The following TBC1D16 variants were observed in gnomAD, a reference collection of about 807,000 sequenced individuals.
The protein encoded by TBC1D16 is TBC1 domain family member 16.
A neutral mutation model predicts 74.7 loss-of-function variants in TBC1D16; 58 were observed. The observed-to-expected ratio is 0.78, with a 90% confidence interval of 0.63 to 0.97. The LOEUF is 0.97. Among genes scored for constraint, TBC1D16 ranks in the 50% least tolerant of loss-of-function variants. The pLI is 0.00. For missense variants in TBC1D16, 1,014 were observed against 1,079.5 expected, an observed-to-expected ratio of 0.94 and a Z score of 0.85; for synonymous variants, 493 against 474.7, an observed-to-expected ratio of 1.04 and a Z score of -0.50.
chr17:80,013,441 T>C lies in TBC1D16; in HGVS notation c.107A>G (p.Glu36Gly). Residue 36 changes from glutamate to glycine, a missense_variant, in exon 2 of 12, where the codon GAG becomes GGG. Transcript: ENST00000310924. ...GSGSPSVLDG[E>G]IIYSKNNVCV... Reference sequence around the variant, plus strand: ...GACATTGTTCTTGGAGTAGATGATCTCTCCATCCAGGACAGAGGGGGACCC... The same window carrying C: ...GACATTGTTCTTGGAGTAGATGATCCCTCCATCCAGGACAGAGGGGGACCC... The C allele has an allele frequency of 6.2e-7, 1 of 1,605,572 alleles. No homozygotes were observed.
chr17:80,026,531 G>A lies in TBC1D16; in HGVS notation c.-63+9264C>T, dbSNP rs1026774979. On this transcript the variant is annotated intron_variant, in intron 1 of 11. Coordinates refer to ENST00000310924, the MANE Select transcript of TBC1D16 (RefSeq NM_019020.4). Reference sequence around the variant, plus strand: ...GCATCCAAAGAGGTGTGGAGGAGGCGTGGACGAGGGTGGAGTTGTGTGGAC... The same window carrying A: ...GCATCCAAAGAGGTGTGGAGGAGGCATGGACGAGGGTGGAGTTGTGTGGAC... Among the ~76,000 whole-genome samples the A allele has an allele frequency of 1.3e-4, 19 of 149,856 alleles. 1 individual carries two copies. Among genetic ancestry groups the A allele is most frequent in the African/African-American group, 3.6e-4 (14 of 39,240 alleles).
Position 79,960,779 on chromosome 17 carries a change from C to CAAAAAAAAAA in TBC1D16, c.780-7971_780-7962dup, listed in dbSNP as rs746450905. 5.7e-3 allele frequency among the ~76,000 whole-genome samples: 192 copies of CAAAAAAAAAA among 33,938 alleles called. 58 individuals carry two copies. The highest frequency in any genetic ancestry group is 6.4e-3 in the Non-Finnish European group (117 of 18,146). 22.3% of individuals were successfully genotyped at this position (33,938 alleles called of 152,430 possible). Reference sequence around the variant, plus strand: ...CAAAAAAACCCAAAAAACAAAAACCCAAAAAAAAAAAAAAAAAAAAAAAAA... The same window carrying CAAAAAAAAAA: ...CAAAAAAACCCAAAAAACAAAAACCCAAAAAAAAAAAAAAAAAAAAAAAAAAAAAAAAAAA... On this transcript the variant is annotated intron_variant, in intron 3 of 11. Transcript: ENST00000310924.
chr17:79,947,629 T>TC lies in TBC1D16; in HGVS notation c.1728+15dup. The TC allele has an allele frequency of 6.2e-7, 1 of 1,612,832 alleles. No individual in the cohort carries two copies. Among genetic ancestry groups the TC allele is most frequent in the Non-Finnish European group, 8.5e-7 (1 of 1,179,214 alleles). Reference sequence around the variant, plus strand: ...CCTCACATGCCCTTGGACGCACCCATCCCCCTGAGCCTCACCAGTTGTTTC... The same window carrying TC: ...CCTCACATGCCCTTGGACGCACCCATCCCCCCTGAGCCTCACCAGTTGTTTC... On this transcript the variant is annotated intron_variant, in intron 9 of 11. Coordinates refer to ENST00000310924, the MANE Select transcript of TBC1D16 (RefSeq NM_019020.4).
chr17:80,021,881 GACAC>G (rs1320805176), intron 1 of TBC1D16, among the ~76,000 whole-genome samples: 2 of 150,660 alleles, frequency 1.3e-5, no homozygotes, highest in Non-Finnish European at 2.9e-5. Flanking sequence ...CACACACCAT[GACAC>G]ACAAACACAC....
rs1159789414 is a variant in TBC1D16 at position 79,935,793 on chromosome 17, T to C, written c.*5066A>G. 4 of 152,222 alleles carry C rather than the reference T, an allele frequency of 2.6e-5. No homozygotes were observed. The highest frequency in any genetic ancestry group is 5.9e-5 in the Non-Finnish European group (4 of 68,056). The allele number at this position is 152,222 out of a possible 1,614,324, so 9.4% of individuals were successfully genotyped here. A position where few individuals can be genotyped will look rare whatever the true frequency, so the allele number is the denominator to read the frequency against. On this transcript the variant is annotated 3_prime_UTR_variant, in exon 12 of 12. Transcript: ENST00000310924. Reference sequence around the variant, plus strand: ...AACAAAATACCAAGAACAGATCACTTGCCATGGACATCAGTAATCTATTGG... The same window carrying C: ...AACAAAATACCAAGAACAGATCACTCGCCATGGACATCAGTAATCTATTGG...
intron 8 of TBC1D16, among the ~76,000 whole-genome samples, chr17:79,948,515 A>T (rs1382442483): frequency 7.2e-5 from 11 of 152,142 alleles, no homozygotes; most frequent in Non-Finnish European, 2.9e-5. Context: ...CACAGATGCC[A>T]GCCTCTGGCT....
At chr17:79,948,397 C>T (rs967020595) in intron 8 of TBC1D16, among the ~76,000 whole-genome samples, 3 of 151,594 alleles carry the variant, frequency 2.0e-5, no homozygotes, top group Non-Finnish European at 4.4e-5. Flanking sequence ...GGGAACATGG[C>T]TCTGATTTTC....
Position 79,961,501 on chromosome 17 carries a change from A to G in TBC1D16, c.780-8683T>C, listed in dbSNP as rs1043392480. Among the ~76,000 whole-genome samples the G allele has an allele frequency of 6.6e-6, 1 of 152,252 alleles. No homozygotes were observed. The highest frequency in any genetic ancestry group is 1.5e-5 in the Non-Finnish European group (1 of 68,044). On this transcript the variant is annotated intron_variant, in intron 3 of 11. Coordinates refer to ENST00000310924, the MANE Select transcript of TBC1D16 (RefSeq NM_019020.4). This position sits in a 1 kb window ranked among gnomAD's most constrained non-coding sequence, Gnocchi z 4.8. ...ATTCCATTCCCAAGTATTTACCAAG[A>G]GAAATAAAAACATATGTCCACGTGC...
At chr17:80,033,854 G>A (rs1450403586) in intron 1 of TBC1D16, among the ~76,000 whole-genome samples, 2 of 152,218 alleles carry the variant, frequency 1.3e-5, no homozygotes, top group African/African-American at 4.8e-5. Flanking sequence ...GGTGACATGG[G>A]ATTAGTCCCA....
chr17:80,020,516 T>A (rs1479590908), intron 1 of TBC1D16, among the ~76,000 whole-genome samples: 1 of 149,164 alleles, frequency 6.7e-6, no homozygotes, highest in Non-Finnish European at 1.5e-5. Flanking sequence ...ACTCAGGAGG[T>A]GGAGGTTGCA....
At chr17:79,962,018 T>G (rs1350842696) in intron 3 of TBC1D16, among the ~76,000 whole-genome samples, 2 of 152,032 alleles carry the variant, frequency 1.3e-5, no homozygotes, top group Non-Finnish European at 2.9e-5. Flanking sequence ...CATGACAAAA[T>G]TATTATGCTG....
rs919113584 is a variant in TBC1D16, at chr17:80,035,230, C to G, written c.-63+565G>C. Among the ~76,000 whole-genome samples the G allele has an allele frequency of 1.1e-5, 1 of 92,026 alleles. No individual in the cohort carries two copies. Among genetic ancestry groups the G allele is most frequent in the Admixed American group, 1.7e-4 (1 of 5,892 alleles). The allele number at this position is 92,026 out of a possible 152,430, so 60.4% of individuals were successfully genotyped here. On this transcript the variant is annotated intron_variant, in intron 1 of 11. Transcript: ENST00000310924. This position sits in a 1 kb window ranked among gnomAD's most constrained non-coding sequence, Gnocchi z 5.3. The stretch of plus-strand genomic sequence containing the variant: ...CTTTCCTTCCTTTCGTTCTTTCTTT[C>G]TTTTTCTTTTTTTTTTTTTCCCAAA...
rs1355719521 is a variant in TBC1D16, at chr17:80,008,634, G to T, written c.779+1526C>A. Among the ~76,000 whole-genome samples the T allele has an allele frequency of 1.3e-5, 2 of 152,226 alleles. No homozygotes were observed. The highest frequency in any genetic ancestry group is 2.9e-5 in the Non-Finnish European group (2 of 68,004). ...GGGACCCAGGCCAGGACCAGAGTTC[G>T]GGCCCCGCCTCCCCCACACCTCCTC... On this transcript the variant is annotated intron_variant, in intron 3 of 11. Coordinates refer to ENST00000310924, the MANE Select transcript of TBC1D16 (RefSeq NM_019020.4). This position sits in a 1 kb window ranked among gnomAD's most constrained non-coding sequence, Gnocchi z 4.5.
At position 79,950,863 on chromosome 17, in the gene TBC1D16, G is replaced by C. The variant is rs878902680; in HGVS notation, c.1090-285C>G. 16 of 1,518,514 alleles carry C rather than the reference G, an allele frequency of 1.1e-5. No individual in the cohort carries two copies. Among genetic ancestry groups the C allele is most frequent in the East Asian group, 2.5e-5 (1 of 40,628 alleles). 94.1% of individuals were successfully genotyped at this position (1,518,514 alleles called of 1,614,324 possible). On this transcript the variant is annotated intron_variant, in intron 5 of 11. Transcript: ENST00000310924. The surrounding 1 kb of genome is among the most constrained non-coding windows in gnomAD (Gnocchi z 4.6). ...GCCGCAAAAACGGAATGAATGCCTCGTTCGGCCTAACTTCCCTCTGCCGGG... is the reference window on the plus strand; with the variant it reads ...GCCGCAAAAACGGAATGAATGCCTCCTTCGGCCTAACTTCCCTCTGCCGGG...
At position 79,971,897 on chromosome 17, in the gene TBC1D16, G is replaced by T. The variant is rs879500173; in HGVS notation, c.780-19079C>A. 6.6e-6 allele frequency among the ~76,000 whole-genome samples: 1 copy of T among 152,166 alleles called. No individual in the cohort carries two copies. The highest frequency in any genetic ancestry group is 2.4e-5 in the African/African-American group (1 of 41,440). On this transcript the variant is annotated intron_variant, in intron 3 of 11. Transcript: ENST00000310924. This position sits in a 1 kb window ranked among gnomAD's most constrained non-coding sequence, Gnocchi z 4.6. ...GGGCTGGCTGTGGGGGTCTTTGTGG[G>T]GAAGAAAGAGCCTGAGTGGGTGCAG...
rs1200018245 is a variant in TBC1D16 at position 80,008,602 on chromosome 17, G to A, written c.779+1558C>T. 3.9e-5 allele frequency among the ~76,000 whole-genome samples: 6 copies of A among 152,068 alleles called. No homozygotes were observed. Among genetic ancestry groups the A allele is most frequent in the South Asian group, 2.1e-4 (1 of 4,824 alleles). ...ACCAGGGGGAGCTCCGACTGAGTCC[G>A]GCCTGCGGGACCCAGGCCAGGACCA... On this transcript the variant is annotated intron_variant, in intron 3 of 11. Coordinates refer to ENST00000310924, the MANE Select transcript of TBC1D16 (RefSeq NM_019020.4). This position sits in a 1 kb window ranked among gnomAD's most constrained non-coding sequence, Gnocchi z 4.5.
At position 79,956,545 on chromosome 17, in the gene TBC1D16, C is replaced by T. The variant is rs746742208; in HGVS notation, c.780-3727G>A. Among the ~76,000 whole-genome samples the T allele has an allele frequency of 6.6e-6, 1 of 152,150 alleles. No individual in the cohort carries two copies. Among genetic ancestry groups the T allele is most frequent in the African/African-American group, 2.4e-5 (1 of 41,442 alleles). The stretch of plus-strand genomic sequence containing the variant: ...CTGGGACTACAGGCGTGAGCCACCA[C>T]GCTGGGCCCGGTGGTCGCTTTAAGT... On this transcript the variant is annotated intron_variant, in intron 3 of 11. Coordinates refer to ENST00000310924, the MANE Select transcript of TBC1D16 (RefSeq NM_019020.4). The surrounding 1 kb of genome is among the most constrained non-coding windows in gnomAD (Gnocchi z 4.0).
chr17:79,943,910 A>C, intron 10 of TBC1D16: 1 of 1,413,602 alleles, frequency 7.1e-7, no homozygotes, highest in Non-Finnish European at 9.2e-7. Flanking sequence ...AGTGGTGGGA[A>C]TGAAGCCTCT....
chr17:79,977,582 CTGTG>C (rs2034384025), intron 3 of TBC1D16, among the ~76,000 whole-genome samples: 1 of 152,274 alleles, frequency 6.6e-6, no homozygotes. Context: ...CTTCCCCCAC[CTGTG>C]AGACGGCGAT....
Sources: gnomAD v4.1 joint callset for allele counts (sites outside exome capture counted in the v4.1 genomes callset) on GRCh38, gnomAD v4.1.1 for gene constraint, Gnocchi (gnomAD v3.1) non-coding constraint, MANE v1.5 for transcripts, NCBI Gene and HGNC (gene_info 2026-07-23, HGNC 2026-07-21) for gene names.